The following CSMD1 variants were observed in gnomAD, a reference collection of about 807,000 sequenced individuals.
The protein encoded by CSMD1 is CUB and Sushi multiple domains 1, also known as CUB and sushi domain-containing protein 1.
In CSMD1, 213 loss-of-function variants were observed where a neutral mutation model predicts 417.5. The observed-to-expected ratio is 0.51, with a 90% CI of 0.46 to 0.57. CSMD1 has a LOEUF of 0.57. Ranked by LOEUF, CSMD1 falls within the 20% of genes least tolerant of loss-of-function variation. The pLI is 0.00. For synonymous variants in CSMD1, 2,862 were observed against 1,736.8 expected (o/e 1.65, Z -16.11); for missense variants, 6,923 against 4,529.7 (o/e 1.53, Z -15.17).
chr8:3,501,604 C>T (rs979879982), intron 10 of CSMD1, among the ~76,000 whole-genome samples: 1 of 152,108 alleles, frequency 6.6e-6, no homozygotes, highest in South Asian at 2.1e-4. Context: ...CTGGAAGGAA[C>T]ACTGGAAAAC....
chr8:4,723,030 A>C (rs1809166283), intron 1 of CSMD1, among the ~76,000 whole-genome samples: 2 of 152,242 alleles, frequency 1.3e-5, no homozygotes, highest in Middle Eastern at 3.4e-3. Context: ...ACTGCTATGT[A>C]ATATCTTGGC....
intron 3 of CSMD1, among the ~76,000 whole-genome samples, chr8:4,221,532 C>G (rs1008407940): frequency 1.3e-5 from 2 of 152,132 alleles, no homozygotes. Context: ...AGCACAGAAT[C>G]CCAGGAAGGC....
rs116966145 is a variant in CSMD1, at chr8:4,760,603, A to G, written c.86-123045T>C. 1.6e-3 allele frequency among the ~76,000 whole-genome samples: 244 copies of G among 152,356 alleles called. 9 individuals carry two copies. In the East Asian group the frequency reaches 0.041, roughly 26 times the overall value. On this transcript the variant is annotated intron_variant, in intron 1 of 69. Transcript: ENST00000635120. ...AGAATAATTATACCTATGAAAAAAT[A>G]GAAAAATATAAAATACAGCACAATA... is the stretch of plus-strand genomic sequence containing the variant.
At chr8:4,627,471 A>G (rs550697639) in intron 2 of CSMD1, among the ~76,000 whole-genome samples, 23 of 152,278 alleles carry the variant, frequency 1.5e-4, no homozygotes, top group African/African-American at 4.8e-4. Context: ...TAAATTAACA[A>G]TTTTACTGAT....
In CSMD1 at chr8:3,593,694, A is replaced by G. The variant is rs1800962281; in HGVS notation, c.1098-7434T>C. On this transcript the variant is annotated intron_variant, in intron 8 of 69. Transcript: ENST00000635120. ...AAATTACCAATCACAGTACAAATAA[A>G]ACTACATTTTATACATCAGAATTTA... Among the ~76,000 whole-genome samples the G allele has an allele frequency of 2.0e-5, 3 of 152,330 alleles. No individual in the cohort carries two copies. The Middle Eastern group carries it at 0.01, about 518-fold the overall frequency.
Position 2,963,301 on chromosome 8 carries a change from G to A in CSMD1, c.9375C>T (p.Asp3125=), listed in dbSNP as rs750781724. The A allele has an allele frequency of 1.7e-5, 28 of 1,613,788 alleles. No individual in the cohort carries two copies. Among genetic ancestry groups the A allele is most frequent in the South Asian group, 1.1e-4 (10 of 91,086 alleles). The stretch of plus-strand genomic sequence containing the variant: ...TGGCGGAGTGAGAGAGCTGGTAACC[G>A]TCCATGCAGCTGTAACTTATGCTGG... ...WGSSISYSCM[D]GYQLSHSAIL... The change falls in exon 60 of 70, where the codon GAC becomes GAT. Residue 3125 remains aspartate (D), a synonymous_variant. Transcript: ENST00000635120.
chr8:4,160,024 A>G (rs1326126727), intron 3 of CSMD1, among the ~76,000 whole-genome samples: 1 of 152,072 alleles, frequency 6.6e-6, no homozygotes, highest in African/African-American at 2.4e-5. Flanking sequence ...CCAAAATTTC[A>G]GAAATCACCA....
chr8:4,345,725 C>T (rs1800741440), intron 3 of CSMD1, among the ~76,000 whole-genome samples: 1 of 152,034 alleles, frequency 6.6e-6, no homozygotes, highest in Non-Finnish European at 1.5e-5. Flanking sequence ...CATGAATTAT[C>T]AAGAAAATGC....
intron 6 of CSMD1, among the ~76,000 whole-genome samples, chr8:3,742,434 G>A (rs543002401): frequency 3.3e-5 from 5 of 152,230 alleles, no homozygotes; most frequent in East Asian, 3.9e-4. Flanking sequence ...ATTTTTAATT[G>A]TGCTCCTCTA....
In CSMD1 at chr8:3,345,474, G is replaced by T. The variant is rs1340451791; in HGVS notation, c.3475-2024C>A. On this transcript the variant is annotated intron_variant, in intron 22 of 69. Transcript: ENST00000635120. ...CTCTAAAGTTAAAATCTGGGTTCAG[G>T]TTTCGCACTGATCACAAATAAAAAC... Among the ~76,000 whole-genome samples the T allele has an allele frequency of 2.0e-5, 3 of 152,074 alleles. No individual in the cohort carries two copies. The East Asian group carries it at 5.8e-4, about 29-fold the overall frequency.
chr8:4,445,648 A>C (rs932503003), intron 2 of CSMD1, among the ~76,000 whole-genome samples: 12 of 152,202 alleles, frequency 7.9e-5, no homozygotes, highest in African/African-American at 1.2e-4. Context: ...TAGGAAAGTA[A>C]GGTTATTGAA....
At chr8:4,336,679 C>T (rs539008229) in intron 3 of CSMD1, among the ~76,000 whole-genome samples, 15 of 152,174 alleles carry the variant, frequency 9.9e-5, no homozygotes, top group African/African-American at 3.1e-4. Context: ...TGACATAGTC[C>T]TTCGAAGACA....
intron 3 of CSMD1, among the ~76,000 whole-genome samples, chr8:4,269,708 G>C (rs1000284119): frequency 3.9e-5 from 6 of 152,048 alleles, no homozygotes; most frequent in South Asian, 2.1e-4. Flanking sequence ...CAATTAACCA[G>C]CATCTGTTGA....
At chr8:3,862,510 C>G (rs776111599) in intron 5 of CSMD1, among the ~76,000 whole-genome samples, 4 of 152,170 alleles carry the variant, frequency 2.6e-5, no homozygotes, top group African/African-American at 9.7e-5. Flanking sequence ...CCAGACCTTA[C>G]AACTGTTTGC....
At chr8:4,596,270 C>G (rs564690595) in intron 2 of CSMD1, among the ~76,000 whole-genome samples, 2 of 152,024 alleles carry the variant, frequency 1.3e-5, no homozygotes, top group Non-Finnish European at 2.9e-5. Flanking sequence ...TAAGTAAAAG[C>G]GGGAAGCACA....
intron 25 of CSMD1, among the ~76,000 whole-genome samples, chr8:3,302,070 G>T (rs1352064924): frequency 6.6e-6 from 1 of 152,116 alleles, no homozygotes; most frequent in African/African-American, 2.4e-5. Flanking sequence ...ATAAGCAACA[G>T]CAGAGCATAA....
chr8:3,019,545 C>G (rs1166828102), intron 51 of CSMD1, among the ~76,000 whole-genome samples: 2 of 152,146 alleles, frequency 1.3e-5, no homozygotes, highest in Non-Finnish European at 2.9e-5. Context: ...ATTTGTTGGG[C>G]TCATGAGCTC....
At chr8:4,429,766 C>T (rs1412883977) in intron 2 of CSMD1, among the ~76,000 whole-genome samples, 1 of 152,142 alleles carries the variant, frequency 6.6e-6, no homozygotes, top group Non-Finnish European at 1.5e-5. Flanking sequence ...TCTAGAAGTG[C>T]TCCACCCGTA....
At chr8:3,790,990 C>T (rs1383931970) in intron 5 of CSMD1, among the ~76,000 whole-genome samples, 1 of 152,118 alleles carries the variant, frequency 6.6e-6, no homozygotes, top group Non-Finnish European at 1.5e-5. Flanking sequence ...CAATTATAGG[C>T]AAATGGAATG....
Sources: gnomAD v4.1 joint callset for allele counts (sites outside exome capture counted in the v4.1 genomes callset) on GRCh38, gnomAD v4.1.1 for gene constraint, MANE v1.5 for transcripts, NCBI Gene and HGNC (gene_info 2026-07-23, HGNC 2026-07-21) for gene names.